CCSER1: variants seen among roughly 807,000 people sequenced by gnomAD.
CCSER1 encodes the protein serine-rich coiled-coil domain-containing protein 1.
A neutral mutation model predicts 82.0 loss-of-function variants in CCSER1; 41 were observed. That is an observed-to-expected ratio of 0.50 (90% confidence interval 0.39 to 0.65). CCSER1 has a LOEUF of 0.65. Ranked by LOEUF, CCSER1 falls within the 30% of genes least tolerant of loss-of-function variation. The pLI is 0.00. For synonymous variants in CCSER1, 414 were observed against 383.9 expected (o/e 1.08, Z -0.92); for missense variants, 1,119 against 1,064.2 (o/e 1.05, Z -0.72).
intron 8 of CCSER1, among the ~76,000 whole-genome samples, chr4:90,838,396 G>A (rs78875809): frequency 0.032 from 4,860 of 151,254 alleles, 266 homozygotes; most frequent in African/African-American, 0.11. Flanking sequence ...GTTTTCTACT[G>A]TTATGTACAT....
At chr4:90,652,347 G>A (rs1728904357) in intron 6 of CCSER1, among the ~76,000 whole-genome samples, 1 of 152,114 alleles carries the variant, frequency 6.6e-6, no homozygotes, top group African/African-American at 2.4e-5. Context: ...TTATAATAAT[G>A]TTGTATATGA....
At chr4:90,176,702 G>A (rs1732757080) in intron 1 of CCSER1, among the ~76,000 whole-genome samples, 1 of 151,960 alleles carries the variant, frequency 6.6e-6, no homozygotes, top group South Asian at 2.1e-4. Context: ...AGTGTGATAG[G>A]TCCAAAATTT....
chr4:90,732,086 C>A (rs1371697431), intron 7 of CCSER1, among the ~76,000 whole-genome samples: 1 of 138,876 alleles, frequency 7.2e-6, no homozygotes, highest in Non-Finnish European at 1.6e-5. Context: ...CTTCTGCCTC[C>A]CTCTTTCTCT....
intron 9 of CCSER1, among the ~76,000 whole-genome samples, chr4:90,990,306 C>G (rs1361205364): frequency 6.6e-6 from 1 of 151,848 alleles, no homozygotes; most frequent in Non-Finnish European, 1.5e-5. Context: ...GAATTCTACT[C>G]ACTGGGGCAA....
intron 4 of CCSER1, among the ~76,000 whole-genome samples, chr4:90,405,139 C>T (rs901349017): frequency 6.6e-6 from 1 of 151,874 alleles, no homozygotes; most frequent in Non-Finnish European, 1.5e-5. Flanking sequence ...AAGGAAAAAT[C>T]TTCAATGAAA....
intron 7 of CCSER1, among the ~76,000 whole-genome samples, chr4:90,754,990 G>A (rs1181255045): frequency 6.6e-6 from 1 of 152,012 alleles, no homozygotes; most frequent in Non-Finnish European, 1.5e-5. Flanking sequence ...ACAGCTATTG[G>A]AGTTCCTGCC....
At chr4:90,270,320 C>G (rs1726023350) in intron 1 of CCSER1, among the ~76,000 whole-genome samples, 1 of 151,934 alleles carries the variant, frequency 6.6e-6, no homozygotes, top group African/African-American at 2.4e-5. Context: ...TTCATAATGA[C>G]CAACTGGGAT....
At chr4:90,317,768 G>A (rs1367919598) in intron 3 of CCSER1, among the ~76,000 whole-genome samples, 1 of 152,168 alleles carries the variant, frequency 6.6e-6, no homozygotes, top group Non-Finnish European at 1.5e-5. Flanking sequence ...CTGTATTCAG[G>A]CTGTGGAAGC....
chr4:91,367,694 A>G (rs1749732137), intron 10 of CCSER1, among the ~76,000 whole-genome samples: 1 of 152,072 alleles, frequency 6.6e-6, no homozygotes, highest in Non-Finnish European at 1.5e-5. Context: ...ACCTTCCACT[A>G]TTCAAGACTT....
At chr4:91,100,650 GA>G (rs1724969439) in intron 10 of CCSER1, among the ~76,000 whole-genome samples, 1 of 152,080 alleles carries the variant, frequency 6.6e-6, no homozygotes, top group African/African-American at 2.4e-5. Context: ...ACAGATGAGA[GA>G]AAAAATATTT....
At chr4:91,223,899 T>A (rs892854726) in intron 10 of CCSER1, among the ~76,000 whole-genome samples, 30 of 152,162 alleles carry the variant, frequency 2.0e-4, no homozygotes, top group African/African-American at 7.0e-4. Flanking sequence ...ACGCACTTTG[T>A]CTATGCAATG....
chr4:91,297,365 T>TTGTGTGTGTGTGTGTGTGTG (rs764634343), intron 10 of CCSER1, among the ~76,000 whole-genome samples: 2 of 128,812 alleles, frequency 1.6e-5, no homozygotes, highest in African/African-American at 3.0e-5. Context: ...GAATGGATGC[T>TTGTGTGTGTGTGTGTGTGTG]TGTGTGTGTG....
intron 9 of CCSER1, among the ~76,000 whole-genome samples, chr4:91,012,195 G>A (rs62309836): frequency 7.4e-6 from 1 of 134,560 alleles, no homozygotes; most frequent in African/African-American, 2.5e-5. Flanking sequence ...CAGAGGTACA[G>A]TACAGCTTTA....
At chr4:90,459,112 A>G (rs1283819197) in intron 4 of CCSER1, among the ~76,000 whole-genome samples, 1 of 152,226 alleles carries the variant, frequency 6.6e-6, no homozygotes, top group Non-Finnish European at 1.5e-5. Flanking sequence ...GTGTACGTAT[A>G]TATAGATACA....
chr4:90,690,781 T>C (rs1054302412), intron 6 of CCSER1, among the ~76,000 whole-genome samples: 1 of 152,120 alleles, frequency 6.6e-6, no homozygotes, highest in African/African-American at 2.4e-5. Flanking sequence ...TGTGATTTAA[T>C]TCCCTAGAAT....
intron 4 of CCSER1, among the ~76,000 whole-genome samples, chr4:90,448,275 T>A (rs1373070337): frequency 1.3e-5 from 2 of 151,682 alleles, no homozygotes; most frequent in Non-Finnish European, 2.9e-5. Flanking sequence ...GTTTGGATAA[T>A]TCACAAAGCA....
chr4:90,490,662 A>C (rs1297759551), intron 5 of CCSER1, among the ~76,000 whole-genome samples: 2 of 152,136 alleles, frequency 1.3e-5, no homozygotes, highest in South Asian at 2.1e-4. Flanking sequence ...TATGTCTAAC[A>C]TGTAAGTCTT....
At chr4:91,405,444 C>A (rs891237384) in intron 10 of CCSER1, among the ~76,000 whole-genome samples, 1 of 152,134 alleles carries the variant, frequency 6.6e-6, no homozygotes, top group Non-Finnish European at 1.5e-5. Context: ...GTAACAAAAG[C>A]GAAAATAGAC....
At chr4:91,206,421 G>C (rs1354536481) in intron 10 of CCSER1, among the ~76,000 whole-genome samples, 2 of 151,904 alleles carry the variant, frequency 1.3e-5, no homozygotes, top group African/African-American at 4.8e-5. Flanking sequence ...TTGGAGATGG[G>C]GTTTTTGTAG....
Sources: gnomAD v4.1 joint callset for allele counts (sites outside exome capture counted in the v4.1 genomes callset) on GRCh38, gnomAD v4.1.1 for gene constraint, MANE v1.5 for transcripts, NCBI Gene and HGNC (gene_info 2026-07-23, HGNC 2026-07-21) for gene names.